The following TCEA1 variants were observed in gnomAD, a reference collection of about 807,000 sequenced individuals.
TCEA1 encodes the protein transcription elongation factor A1, also known as transcription elongation factor A protein 1.
In TCEA1, 21 loss-of-function variants were observed where a neutral mutation model predicts 43.8. That is an observed-to-expected ratio of 0.48 (90% CI 0.34 to 0.69). The LOEUF (loss-of-function observed/expected upper bound fraction) is 0.69, where lower values mean the gene tolerates loss of function less well. Ranked by LOEUF, TCEA1 falls within the 30% of genes least tolerant of loss-of-function variation. TCEA1 has a pLI of 0.01. For missense variants in TCEA1, 250 were observed against 365.1 expected, an observed-to-expected ratio of 0.68 and a Z score of 2.57; for synonymous variants, 104 against 117.5, an observed-to-expected ratio of 0.88 and a Z score of 0.75.
intron 2 of TCEA1, among the ~76,000 whole-genome samples, chr8:54,004,769 C>A: frequency 6.9e-6 from 1 of 144,796 alleles, no homozygotes; most frequent in African/African-American, 2.7e-5. Context: ...AATTATATCT[C>A]AATAATACTG....
At chr8:53,983,416 C>T (rs936275864) in intron 7 of TCEA1, among the ~76,000 whole-genome samples, 5 of 152,186 alleles carry the variant, frequency 3.3e-5, no homozygotes, top group Non-Finnish European at 7.3e-5. Flanking sequence ...TACAATATAG[C>T]TAATATCTAT....
At chr8:54,007,380 T>C (rs766789103) in intron 2 of TCEA1, among the ~76,000 whole-genome samples, 2 of 152,218 alleles carry the variant, frequency 1.3e-5, no homozygotes, top group Non-Finnish European at 2.9e-5. Flanking sequence ...AGAGTCTTGC[T>C]ATGTTGCCCA....
chr8:53,994,229 C>G (rs1033958365), intron 3 of TCEA1, among the ~76,000 whole-genome samples: 36 of 152,128 alleles, frequency 2.4e-4, no homozygotes, highest in African/African-American at 8.5e-4. Flanking sequence ...CCTGTAGTCT[C>G]AGCTACTCGG....
At chr8:53,978,358 T>C (rs368963693) in intron 8 of TCEA1, among the ~76,000 whole-genome samples, 7 of 152,212 alleles carry the variant, frequency 4.6e-5, no homozygotes, top group African/African-American at 1.4e-4. Context: ...CAGTTATCTA[T>C]GGTCTGAAAA....
chr8:53,997,018 G>GCCTCT (rs1443441142), intron 3 of TCEA1, among the ~76,000 whole-genome samples: 8 of 150,120 alleles, frequency 5.3e-5, no homozygotes, highest in Admixed American at 4.7e-4. Context: ...TCCTGCCTCA[G>GCCTCT]CCTCTCGAGT....
chr8:54,012,927 C>G lies in TCEA1; in HGVS notation c.64-2435G>C, dbSNP rs530692121. On this transcript the variant is annotated intron_variant, in intron 1 of 9. Transcript: ENST00000521604. Reference sequence around the variant, plus strand: ...TAGCCTGTGTGGACAGAGTGAGACTCCATTTCTAAAATAAAAATTAAAAAA... The same window carrying G: ...TAGCCTGTGTGGACAGAGTGAGACTGCATTTCTAAAATAAAAATTAAAAAA... 7.3e-4 allele frequency among the ~76,000 whole-genome samples: 106 copies of G among 145,614 alleles called. No homozygotes were observed. In the Middle Eastern group the frequency reaches 0.028, roughly 39 times the overall value.
chr8:53,974,311 A>G (rs1803257331), intron 8 of TCEA1: 1 of 152,362 alleles, frequency 6.6e-6, no homozygotes, highest in Admixed American at 6.5e-5. Flanking sequence ...AAGAATATGA[A>G]TAAAATCTCA....
intron 1 of TCEA1, among the ~76,000 whole-genome samples, chr8:54,012,612 G>A (rs1320358699): frequency 2.0e-5 from 3 of 152,284 alleles, no homozygotes; most frequent in Non-Finnish European, 2.9e-5. Context: ...GGTTGCTGAA[G>A]TGCCCAAATC....
chr8:53,980,253 T>A (rs1803461882), intron 7 of TCEA1, among the ~76,000 whole-genome samples: 1 of 152,230 alleles, frequency 6.6e-6, no homozygotes, highest in East Asian at 1.9e-4. Flanking sequence ...GATTCCAGTT[T>A]TGAGGCAAGA....
At chr8:54,008,319 TCAACAACAACAA>T (rs34975029) in intron 2 of TCEA1, among the ~76,000 whole-genome samples, 74 of 150,620 alleles carry the variant, frequency 4.9e-4, no homozygotes, top group African/African-American at 1.6e-3. Context: ...GTCAAACAAT[TCAACAACAACAA>T]CAACAACAAC....
chr8:54,016,806 T>C (rs1804842521), intron 1 of TCEA1, among the ~76,000 whole-genome samples: 1 of 151,754 alleles, frequency 6.6e-6, no homozygotes, highest in Non-Finnish European at 1.5e-5. Context: ...AAACCCCATC[T>C]CTACTAAAAA....
chr8:54,002,030 G>A (rs951656059), intron 2 of TCEA1, among the ~76,000 whole-genome samples: 20 of 150,836 alleles, frequency 1.3e-4, no homozygotes, highest in Non-Finnish European at 1.9e-4. Flanking sequence ...TTAGCTGGGC[G>A]TGGTGGCAAG....
intron 7 of TCEA1, among the ~76,000 whole-genome samples, chr8:53,981,988 C>T (rs1309655163): frequency 6.6e-6 from 1 of 150,788 alleles, no homozygotes; most frequent in African/African-American, 2.4e-5. Flanking sequence ...TAGTCTCCAC[C>T]TCCTGGACTC....
intron 8 of TCEA1, chr8:53,973,648 T>G: frequency 1.8e-6 from 1 of 564,306 alleles, no homozygotes. Context: ...CACCAGAACC[T>G]GAGCAAAAAG....
chr8:53,996,918 T>TTTTTTTTTTTTTTTG (rs1471902060), intron 3 of TCEA1, among the ~76,000 whole-genome samples: 1 of 149,012 alleles, frequency 6.7e-6, no homozygotes, highest in African/African-American at 2.5e-5. Flanking sequence ...TTTTTTTTTT[T>TTTTTTTTTTTTTTTG]AGACAGACTC....
chr8:53,993,575 G>A lies in TCEA1; in HGVS notation c.320+93C>T. The A allele has an allele frequency of 4.3e-6, 4 of 938,528 alleles. No homozygotes were observed. In the Admixed American group the frequency reaches 7.5e-5, roughly 18 times the overall value. 58.1% of individuals were successfully genotyped at this position (938,528 alleles called of 1,614,324 possible). A position where few individuals can be genotyped will look rare whatever the true frequency, so the allele number is the denominator to read the frequency against. On this transcript the variant is annotated intron_variant, in intron 4 of 9. Coordinates refer to ENST00000521604, the MANE Select transcript of TCEA1 (RefSeq NM_006756.4). ...TCCATTTGATTAGAAAACAAAAAAA[G>A]GAGTGTAAATAGGGGAACATTAGAC...
chr8:54,012,232 C>T (rs1383547759), intron 1 of TCEA1, among the ~76,000 whole-genome samples: 1 of 152,200 alleles, frequency 6.6e-6, no homozygotes, highest in African/African-American at 2.4e-5. Flanking sequence ...GCTATTTGTG[C>T]TCTATGCCAC....
At position 53,967,920 on chromosome 8, in the gene TCEA1, G is replaced by A. The variant is rs1027380315; in HGVS notation, c.*184C>T. 2 of 441,714 alleles carry A rather than the reference G, an allele frequency of 4.5e-6. No individual in the cohort carries two copies. The highest frequency in any genetic ancestry group is 7.6e-5 in the Admixed American group (2 of 26,214). 27.4% of individuals were successfully genotyped at this position (441,714 alleles called of 1,614,324 possible). A position where few individuals can be genotyped will look rare whatever the true frequency, so the allele number is the denominator to read the frequency against. On this transcript the variant is annotated 3_prime_UTR_variant, in exon 10 of 10. Coordinates refer to ENST00000521604, the MANE Select transcript of TCEA1 (RefSeq NM_006756.4). ...AACAGGTACCATAAAATTATTATAT[G>A]GTCTCCCTACTGATCTGAAACTACA...
At chr8:53,973,593 G>A in intron 8 of TCEA1, 1 of 563,786 alleles carries the variant, frequency 1.8e-6, no homozygotes, top group Non-Finnish European at 3.4e-6. Flanking sequence ...ACTGGATGAG[G>A]AGGAGGAAAG....
Sources: gnomAD v4.1 joint callset for allele counts (sites outside exome capture counted in the v4.1 genomes callset) on GRCh38, gnomAD v4.1.1 for gene constraint, MANE v1.5 for transcripts, NCBI Gene and HGNC (gene_info 2026-07-23, HGNC 2026-07-21) for gene names.